ARMC2: variants seen among roughly 807,000 people sequenced by gnomAD.
ARMC2 encodes armadillo repeat containing 2.
Under a neutral mutation model 90.3 loss-of-function variants are expected in ARMC2, and 67 were observed. The ratio of observed to expected loss-of-function variants is 0.74; its 90% confidence interval spans 0.61 to 0.91. ARMC2 has a LOEUF of 0.91. Ranked by LOEUF, ARMC2 falls within the 40% of genes least tolerant of loss-of-function variation. The pLI is 0.00. For missense variants in ARMC2, 920 were observed against 1,030.9 expected (o/e 0.89, Z 1.47); for synonymous variants, 393 against 393.0 (o/e 1.00, Z 0.00).
intron 5 of ARMC2, among the ~76,000 whole-genome samples, chr6:108,891,730 T>G (rs1334428509): frequency 6.6e-6 from 1 of 152,246 alleles, no homozygotes; most frequent in Admixed American, 6.5e-5. Flanking sequence ...TCTTTTGCTG[T>G]GCAGAAGCTC....
At chr6:108,881,296 CCCTT>C (rs148587003) in intron 5 of ARMC2, among the ~76,000 whole-genome samples, 2 of 78,174 alleles carry the variant, frequency 2.6e-5, no homozygotes, top group Non-Finnish European at 4.8e-5. Flanking sequence ...CCCTCCCCTC[CCCTT>C]CCTTCCTTCC....
At chr6:109,015,000 T>C in the ARMC2 span, among the ~76,000 whole-genome samples, 1 of 152,206 alleles carries the variant, frequency 6.6e-6, no homozygotes, top group African/African-American at 2.4e-5. Context: ...ATTTCCAATG[T>C]CCTAGTGCCC....
intron 5 of ARMC2, among the ~76,000 whole-genome samples, chr6:108,889,877 G>A (rs548837589): frequency 6.6e-6 from 1 of 151,642 alleles, no homozygotes; most frequent in Non-Finnish European, 1.5e-5. Flanking sequence ...CAACTCTATT[G>A]GACTTTTCCA....
At chr6:108,987,326 G>A in the ARMC2 span, 1 of 451,962 alleles carries the variant, frequency 2.2e-6, no homozygotes, top group Non-Finnish European at 3.9e-6. Context: ...TACTGTGAAT[G>A]GCAGCCTGTC....
the ARMC2 span, among the ~76,000 whole-genome samples, chr6:109,040,787 G>A: frequency 6.6e-6 from 1 of 151,720 alleles, no homozygotes; most frequent in African/African-American, 2.4e-5. Flanking sequence ...TGAGTAGCTG[G>A]AACTACAGGT....
intron 5 of ARMC2, among the ~76,000 whole-genome samples, chr6:108,885,933 CT>C: frequency 6.6e-6 from 1 of 152,198 alleles, no homozygotes; most frequent in East Asian, 1.9e-4. Context: ...CATCTTTTAC[CT>C]ATTGTCCATG....
rs181233795 is a variant in ARMC2, at chr6:108,917,977, G to A, written c.1350+5419G>A. ...TTTACAGGCATGAGCTACTGCTCCC[G>A]GCCGAAATTAGCTTGAATATAAAAC... On this transcript the variant is annotated intron_variant, in intron 10 of 17. Coordinates refer to ENST00000392644, the MANE Select transcript of ARMC2 (RefSeq NM_032131.6). 5.3e-5 allele frequency among the ~76,000 whole-genome samples: 8 copies of A among 152,234 alleles called. No individual in the cohort carries two copies. In the East Asian group the frequency reaches 7.7e-4, roughly 15 times the overall value.
chr6:108,899,396 A>T (rs966158570), intron 6 of ARMC2, among the ~76,000 whole-genome samples: 1 of 152,228 alleles, frequency 6.6e-6, no homozygotes, highest in Non-Finnish European at 1.5e-5. Flanking sequence ...GTAAAAATGT[A>T]CTCAAAACTG....
At chr6:108,961,232 A>G (rs568354698) in intron 13 of ARMC2, among the ~76,000 whole-genome samples, 1 of 152,276 alleles carries the variant, frequency 6.6e-6, no homozygotes, top group African/African-American at 2.4e-5. Context: ...CCCAGAAAAC[A>G]GGCGGGATTG....
chr6:108,966,790 A>C (rs1778405676), intron 17 of ARMC2, among the ~76,000 whole-genome samples: 2 of 151,966 alleles, frequency 1.3e-5, no homozygotes, highest in African/African-American at 4.8e-5. Flanking sequence ...AAAACTAAAA[A>C]CACCTTCCTG....
At chr6:108,885,825 A>G (rs996306725) in intron 5 of ARMC2, among the ~76,000 whole-genome samples, 1 of 152,208 alleles carries the variant, frequency 6.6e-6, no homozygotes, top group Non-Finnish European at 1.5e-5. Flanking sequence ...GAAGTATGGA[A>G]GAGACTATAA....
chr6:108,850,205 C>T (rs1050828521), intron 1 of ARMC2, among the ~76,000 whole-genome samples: 4 of 152,220 alleles, frequency 2.6e-5, no homozygotes, highest in Non-Finnish European at 5.9e-5. Flanking sequence ...TTCAAATTTC[C>T]TACTGCTGGT....
In ARMC2 at chr6:108,961,641, A is replaced by G; in HGVS notation, c.1985A>G (p.Tyr662Cys). ...NATATINNLSYYQVKNSIIQD... is the reference protein window; with the variant it reads ...NATATINNLSCYQVKNSIIQD... ...ACAGCGACAATCAACAATTTATCTT[A>G]CTACCAAGTGAAGAATTCCATAATT... The change falls in exon 14 of 18, where the codon TAC becomes TGC. Residue 662 changes from tyrosine (Y) to cysteine (C), a missense_variant. Tyr to Cys is a radical substitution (Grantham distance 194, BLOSUM62 -2). Coordinates refer to ENST00000392644, the MANE Select transcript of ARMC2 (RefSeq NM_032131.6). The G allele has an allele frequency of 6.2e-7, 1 of 1,612,160 alleles. No individual in the cohort carries two copies. Among genetic ancestry groups the G allele is most frequent in the Non-Finnish European group, 8.5e-7 (1 of 1,179,204 alleles).
At chr6:108,935,468 G>C (rs529874426) in intron 11 of ARMC2, among the ~76,000 whole-genome samples, 66 of 151,906 alleles carry the variant, frequency 4.3e-4, no homozygotes, top group African/African-American at 1.5e-3. Flanking sequence ...TTGAGACAAG[G>C]TCTCACTCTG....
chr6:109,009,465 G>A, the ARMC2 span: 6 of 1,280,350 alleles, frequency 4.7e-6, no homozygotes, highest in African/African-American at 3.1e-5. Context: ...GCGCATGTCG[G>A]CGCGGGGACG....
intron 5 of ARMC2, chr6:108,880,095 G>A: frequency 2.7e-6 from 1 of 372,048 alleles, no homozygotes; most frequent in Admixed American, 3.8e-5. Context: ...ATGAAAAACA[G>A]AGAAGTAAAT....
At chr6:108,913,952 A>G (rs989327077) in intron 10 of ARMC2, among the ~76,000 whole-genome samples, 8 of 152,192 alleles carry the variant, frequency 5.3e-5, no homozygotes, top group Non-Finnish European at 4.4e-5. Context: ...GACTTATTTA[A>G]TTCTTCTTAA....
At chr6:108,869,064 A>T (rs2806362) in intron 4 of ARMC2, 69 bp downstream of exon 4, 1,159,548 of 1,450,964 alleles carry the variant, frequency 0.8, 464,347 homozygotes, top group Middle Eastern at 0.85. Flanking sequence ...ACAAAAGCTA[A>T]TTTTATATGA....
chr6:108,885,975 A>G (rs1205395617), intron 5 of ARMC2, among the ~76,000 whole-genome samples: 1 of 152,234 alleles, frequency 6.6e-6, no homozygotes, highest in Non-Finnish European at 1.5e-5. Flanking sequence ...AGAATTGAGT[A>G]CTTATGACAG....
Sources: gnomAD v4.1 joint callset for allele counts (sites outside exome capture counted in the v4.1 genomes callset) on GRCh38, gnomAD v4.1.1 for gene constraint, MANE v1.5 for transcripts, NCBI Gene and HGNC (gene_info 2026-07-23, HGNC 2026-07-21) for gene names.